PCID2: variants seen among roughly 807,000 people sequenced by gnomAD.
The protein encoded by PCID2 is PCI domain containing 2.
In PCID2, 41 loss-of-function variants were observed where a neutral mutation model predicts 61.3. That is an observed-to-expected ratio of 0.67 (90% CI 0.52 to 0.87). The LOEUF (loss-of-function observed/expected upper bound fraction) is 0.87. PCID2 is among the 40% of genes least tolerant of loss of function. The pLI is 0.00. For missense variants in PCID2, 392 were observed against 493.4 expected (o/e 0.79, Z 1.95); for synonymous variants, 187 against 177.8 (o/e 1.05, Z -0.41).
intron 4 of PCID2, among the ~76,000 whole-genome samples, 200 bp from the exon 5 acceptor site, chr13:113,196,422 A>G (rs916517821): frequency 6.6e-6 from 1 of 152,242 alleles, no homozygotes; most frequent in Admixed American, 6.5e-5. Context: ...AAGTATACTA[A>G]ATACACTTAT....
At chr13:113,172,373 TC>T in the PCID2 span, 1 of 480,894 alleles carries the variant, frequency 2.1e-6, no homozygotes, top group Admixed American at 3.3e-5. Context: ...AGATAATCTG[TC>T]AGTCATAAAG....
intron 7 of PCID2, chr13:113,187,305 ACTGGGGAT>A (rs1316893685): frequency 6.6e-6 from 1 of 152,208 alleles, no homozygotes; most frequent in Non-Finnish European, 1.5e-5. Context: ...AAGAGATGTC[ACTGGGGAT>A]CTGCCCTGTC....
chr13:113,207,976 T>C (rs1192864093), intron 1 of PCID2: 3 of 1,517,686 alleles, frequency 2.0e-6, no homozygotes, highest in Admixed American at 1.7e-5. Flanking sequence ...AGAATATGCG[T>C]TGAATCTTTA....
chr13:113,165,740 A>G, the PCID2 span, among the ~76,000 whole-genome samples: 1 of 152,214 alleles, frequency 6.6e-6, no homozygotes, highest in African/African-American at 2.4e-5. Context: ...CATGTTGGAC[A>G]GGATGGTCTC....
chr13:113,205,422 G>A (rs2138978561), intron 1 of PCID2, among the ~76,000 whole-genome samples: 1 of 152,338 alleles, frequency 6.6e-6, no homozygotes, highest in South Asian at 2.1e-4. Flanking sequence ...CATTGCTGGT[G>A]AAAATGTAAA....
chr13:113,183,132 G>A (rs550918974), intron 9 of PCID2, among the ~76,000 whole-genome samples: 6 of 152,258 alleles, frequency 3.9e-5, no homozygotes, highest in East Asian at 3.9e-4. Context: ...TATGGCCAGC[G>A]CTGGCTTTTT....
chr13:113,182,192 G>A (rs1038550377), intron 9 of PCID2, among the ~76,000 whole-genome samples: 7 of 152,136 alleles, frequency 4.6e-5, no homozygotes, highest in Non-Finnish European at 7.3e-5. Context: ...GGTCTGGGTC[G>A]AGGCCTAGGG....
At chr13:113,184,550 T>C in intron 8 of PCID2, 63 bp from the exon 9 acceptor site, 1 of 894,892 alleles carries the variant, frequency 1.1e-6, no homozygotes, top group Non-Finnish European at 1.8e-6. Flanking sequence ...GCAAAACAAA[T>C]TACTAAGCAT....
Position 113,178,069 on chromosome 13 carries a change from A to G in PCID2, c.*129T>C. 6.9e-6 allele frequency: 4 copies of G among 579,676 alleles called. No individual in the cohort carries two copies. 35.9% of individuals were successfully genotyped at this position (579,676 alleles called of 1,614,324 possible). Reference sequence around the variant, plus strand: ...GTGTGCTGAAAATCTCAGCCTCAGCATCCCTGGGAAAAGCGCCTCCAAGAG... The same window carrying G: ...GTGTGCTGAAAATCTCAGCCTCAGCGTCCCTGGGAAAAGCGCCTCCAAGAG... On this transcript the variant is annotated 3_prime_UTR_variant, in exon 14 of 14. Transcript: ENST00000337344.
At chr13:113,193,706 CTTCAGTATACTT>C (rs1374174222) in intron 6 of PCID2, among the ~76,000 whole-genome samples, 1 of 152,034 alleles carries the variant, frequency 6.6e-6, no homozygotes, top group Non-Finnish European at 1.5e-5. Flanking sequence ...TTTCTGAGGT[CTTCAGTATACTT>C]TTCAGTTCTA....
rs1433405013 is a variant in PCID2, at chr13:113,179,088, A to G, written c.988T>C (p.Tyr330His). The G allele has an allele frequency of 3.1e-6, 5 of 1,613,026 alleles. No individual in the cohort carries two copies. In the East Asian group the frequency reaches 1.1e-4, roughly 36 times the overall value. The stretch of plus-strand genomic sequence containing the variant: ...AGCTGGTGTGTTTTCAGTAACAAAT[A>G]CCTGGAAGAGGGGAGGAGAAGGGCA... ...ITYRNLFKKVYLLLKTHQLSL... is the reference protein window; with the variant it reads ...ITYRNLFKKVHLLLKTHQLSL... The change falls in exon 13 of 14, where the codon TAT becomes CAT. Residue 330 changes from tyrosine (Y) to histidine (H), a missense_variant and splice_region_variant. This residue lies in a region of PCID2 where 226 missense variants were observed against 296.5 expected (regional missense o/e 0.76). Transcript: ENST00000337344. This position sits in a 1 kb window ranked among gnomAD's most constrained non-coding sequence, Gnocchi z 4.3.
the PCID2 span, among the ~76,000 whole-genome samples, chr13:113,169,528 T>C: frequency 6.6e-6 from 1 of 152,258 alleles, no homozygotes; most frequent in Non-Finnish European, 1.5e-5. Context: ...TTTTGTGCTC[T>C]ATACATACAC....
intron 1 of PCID2, 180 bp from the exon 2 acceptor site, chr13:113,200,696 CTTTTTTTTTTT>C (rs998821979): frequency 9.0e-6 from 2 of 221,246 alleles, no homozygotes; most frequent in Non-Finnish European, 1.7e-5. Flanking sequence ...ACAATAATTT[CTTTTTTTTTTT>C]TTTTTTTTTT....
intron 6 of PCID2, among the ~76,000 whole-genome samples, chr13:113,194,262 T>G (rs1376345538): frequency 1.3e-5 from 2 of 151,994 alleles, no homozygotes; most frequent in African/African-American, 4.8e-5. Context: ...ACGGTCAGAG[T>G]TCTGTCTTGC....
At chr13:113,176,485 G>A, downstream of PCID2, among the ~76,000 whole-genome samples, 1 of 152,306 alleles carries the variant, frequency 6.6e-6, no homozygotes, top group Non-Finnish European at 1.5e-5. Context: ...AAGAGAGCCG[G>A]GTGTGGTGGC....
chr13:113,194,913 A>G (rs2038895731), intron 6 of PCID2, among the ~76,000 whole-genome samples, 158 bp downstream of exon 6: 1 of 152,252 alleles, frequency 6.6e-6, no homozygotes, highest in African/African-American at 2.4e-5. Context: ...GTGTTAACCC[A>G]GAAAGAATAG....
intron 6 of PCID2, among the ~76,000 whole-genome samples, chr13:113,191,800 G>A (rs914995206): frequency 1.3e-5 from 2 of 152,118 alleles, no homozygotes; most frequent in African/African-American, 4.8e-5. Flanking sequence ...TTTTTTTACT[G>A]TATTAACGTT....
the PCID2 span, chr13:113,165,015 C>T: frequency 1.4e-5 from 23 of 1,597,870 alleles, no homozygotes; most frequent in African/African-American, 2.7e-5. Context: ...GCTGAGAAGG[C>T]GCTGATTTTT....
At chr13:113,172,077 C>T in the PCID2 span, 1 of 1,612,974 alleles carries the variant, frequency 6.2e-7, no homozygotes, top group Non-Finnish European at 8.5e-7. Flanking sequence ...TCCAGGTACT[C>T]ACTCTGGTTT....
Sources: gnomAD v4.1 joint callset for allele counts (sites outside exome capture counted in the v4.1 genomes callset) on GRCh38, gnomAD v4.1.1 for gene constraint, gnomAD v4.1.1 regional missense constraint, Gnocchi (gnomAD v3.1) non-coding constraint, MANE v1.5 for transcripts, NCBI Gene and HGNC (gene_info 2026-07-23, HGNC 2026-07-21) for gene names.